The following RIN2 variants were observed in gnomAD, a reference collection of about 807,000 sequenced individuals.
RIN2 encodes RAB5 interacting protein 2.
In RIN2, 36 loss-of-function variants were observed where a neutral mutation model predicts 78.0. That is an observed-to-expected ratio of 0.46 (90% confidence interval 0.35 to 0.61). The LOEUF (loss-of-function observed/expected upper bound fraction) is 0.61, where lower values mean the gene tolerates loss of function less well. RIN2 is among the 20% of genes least tolerant of loss of function. The probability of loss-of-function intolerance (pLI) is 0.00; values close to 1 mark genes in which losing one functional copy is unlikely to be tolerated. For missense variants in RIN2, 1,087 were observed against 1,159.7 expected (o/e 0.94, Z 0.91); for synonymous variants, 466 against 466.8 (o/e 1.00, Z 0.02).
intron 7 of RIN2, 24 bp downstream of exon 7, chr20:19,965,048 G>A (rs2041893095): frequency 1.3e-6 from 2 of 1,583,796 alleles, no homozygotes; most frequent in Non-Finnish European, 1.7e-6. Flanking sequence ...CTCTCATATG[G>A]TTTCAAGGCC....
chr20:19,951,798 G>T (rs1243207333), intron 4 of RIN2, among the ~76,000 whole-genome samples: 1 of 152,158 alleles, frequency 6.6e-6, no homozygotes, highest in Non-Finnish European at 1.5e-5. Flanking sequence ...CATGCTTCCT[G>T]CCCTGAGCTT....
intron 2 of RIN2, among the ~76,000 whole-genome samples, chr20:19,820,865 C>T (rs1459053808): frequency 6.6e-6 from 1 of 152,162 alleles, no homozygotes; most frequent in Non-Finnish European, 1.5e-5. Flanking sequence ...AGCAAGCAGA[C>T]CTAATTTACA....
rs114494104 is a variant in RIN2 at position 19,869,181 on chromosome 20, C to T, written c.-36-20385C>T. ...GAAACACGCAGGGTGGATGAGTCTG[C>T]GCTGGAGAGAGGGATTAGAAATGCA... On this transcript the variant is annotated intron_variant, in intron 2 of 12. Transcript: ENST00000255006. 3.2e-3 allele frequency among the ~76,000 whole-genome samples: 480 copies of T among 151,512 alleles called. 5 individuals are homozygous for T. Among genetic ancestry groups the T allele is most frequent in the African/African-American group, 0.011 (458 of 41,238 alleles).
At chr20:19,927,301 G>T (rs529556661) in intron 3 of RIN2, among the ~76,000 whole-genome samples, 2 of 152,346 alleles carry the variant, frequency 1.3e-5, no homozygotes, top group South Asian at 4.1e-4. Context: ...AGGCTGGAGT[G>T]CAGTGGCACC....
chr20:19,931,106 A>T (rs1236817472), intron 3 of RIN2, among the ~76,000 whole-genome samples: 2 of 151,952 alleles, frequency 1.3e-5, no homozygotes, highest in African/African-American at 2.4e-5. Flanking sequence ...CATAAATAAA[A>T]TCTCACACGT....
At chr20:19,933,726 GACAAGACA>G (rs2040523515) in intron 3 of RIN2, among the ~76,000 whole-genome samples, 1 of 152,214 alleles carries the variant, frequency 6.6e-6, no homozygotes, top group Non-Finnish European at 1.5e-5. Context: ...AGCTACCTGA[GACAAGACA>G]ACATTTCTCT....
At chr20:19,886,593 C>T in intron 2 of RIN2, 2 of 786,374 alleles carry the variant, frequency 2.5e-6, no homozygotes, top group Non-Finnish European at 4.1e-6. Context: ...ATGAGGGCTG[C>T]CTTCTTCTTC....
intron 4 of RIN2, among the ~76,000 whole-genome samples, chr20:19,938,891 C>G (rs2040752956): frequency 6.6e-6 from 1 of 152,178 alleles, no homozygotes; most frequent in Non-Finnish European, 1.5e-5. Flanking sequence ...ACTGCCCACT[C>G]AGGAAGTGTT....
chr20:19,983,762 A>G lies in RIN2; in HGVS notation c.1763-6244A>G, dbSNP rs371667023. ...TAGTGATGAAGTCTGGGCTTCTGGT[A>G]TACCCATCACCTGAATAATGAACAT... On this transcript the variant is annotated intron_variant, in intron 9 of 12. Transcript: ENST00000255006. Among the ~76,000 whole-genome samples, 18 of 152,334 alleles carry G rather than the reference A, an allele frequency of 1.2e-4. No homozygotes were observed. The East Asian group carries it at 2.1e-3, about 18-fold the overall frequency.
At chr20:19,945,271 G>T (rs1345835083) in intron 4 of RIN2, among the ~76,000 whole-genome samples, 1 of 152,108 alleles carries the variant, frequency 6.6e-6, no homozygotes, top group East Asian at 1.9e-4. Flanking sequence ...AATCAGGGTT[G>T]ATTCCATTGA....
At chr20:19,889,496 G>T in intron 2 of RIN2, 70 bp from the exon 3 acceptor site, 2 of 1,405,242 alleles carry the variant, frequency 1.4e-6, no homozygotes, top group South Asian at 1.3e-5. Context: ...CTGTTGTTGT[G>T]AGTGTTCTGT....
At chr20:19,992,020 A>G (rs897002151) in intron 10 of RIN2, 148 bp from the exon 11 acceptor site, 2 of 864,726 alleles carry the variant, frequency 2.3e-6, no homozygotes, top group East Asian at 2.7e-5. Context: ...CAGAGGCTAC[A>G]TAGGATTCCA....
rs1443820579 is a variant in RIN2 at position 19,975,185 on chromosome 20, A to C, written c.1160A>C (p.Glu387Ala). 7 of 1,607,514 alleles carry C rather than the reference A, an allele frequency of 4.4e-6. No individual in the cohort carries two copies. The highest frequency in any genetic ancestry group is 1.3e-5 in the African/African-American group (1 of 74,874). ...GGCGGCCGGCCGGGCGCAGGCCCGG[A>C]GCTGGAGCTGGGCACAGCTGGCAGC... ...LSGGRPGAGP[E>A]LELGTAGSPG... The change falls in exon 9 of 13, where the codon GAG (glutamate) becomes GCG (alanine). Residue 387 changes from glutamate to alanine, a missense_variant. Physicochemically the swap from Glu to Ala is moderately radical, Grantham distance 107. Coordinates refer to ENST00000255006, the MANE Select transcript of RIN2 (RefSeq NM_018993.4). This position sits in a 1 kb window ranked among gnomAD's most constrained non-coding sequence, Gnocchi z 4.9.
chr20:19,984,731 C>T (rs2042572799), intron 9 of RIN2, among the ~76,000 whole-genome samples: 1 of 152,136 alleles, frequency 6.6e-6, no homozygotes, highest in South Asian at 2.1e-4. Flanking sequence ...TGTGCCACTG[C>T]ACTCCAGCCT....
At chr20:19,999,484 C>A (rs1345808366) in intron 12 of RIN2, among the ~76,000 whole-genome samples, 4 of 152,220 alleles carry the variant, frequency 2.6e-5, no homozygotes, top group African/African-American at 9.7e-5. Flanking sequence ...GGCACCTGGG[C>A]AGAGAGCCCT....
Position 19,779,628 on chromosome 20 carries a change from C to G in RIN2, c.-162-19994C>G, listed in dbSNP as rs142321043. 1.1e-4 allele frequency among the ~76,000 whole-genome samples: 16 copies of G among 152,278 alleles called. No homozygotes were observed. In the East Asian group the frequency reaches 3.1e-3, roughly 29 times the overall value. ...TCTGGCCGTGCTTGTCAAATTGTAG[C>G]CAAGCAGAGAGCCTCAGATAAGTGT... On this transcript the variant is annotated intron_variant, in intron 1 of 12. Transcript: ENST00000255006.
At chr20:19,875,934 A>G (rs1181499731) in intron 2 of RIN2, among the ~76,000 whole-genome samples, 2 of 152,224 alleles carry the variant, frequency 1.3e-5, no homozygotes, top group Non-Finnish European at 2.9e-5. Context: ...AAGATTCAGC[A>G]GAACTGCAGA....
chr20:19,840,935 A>G (rs1282772486), intron 2 of RIN2, among the ~76,000 whole-genome samples: 2 of 152,160 alleles, frequency 1.3e-5, no homozygotes, highest in East Asian at 1.9e-4. Flanking sequence ...GAACGTTTCC[A>G]TCATCTCCAG....
At chr20:19,984,462 A>C (rs1361738113) in intron 9 of RIN2, among the ~76,000 whole-genome samples, 1 of 152,140 alleles carries the variant, frequency 6.6e-6, no homozygotes, top group Middle Eastern at 3.2e-3. Context: ...GAACAGTAAA[A>C]ATACGGTAAC....
Sources: allele counts gnomAD v4.1 joint callset (sites outside exome capture counted in the v4.1 genomes callset), GRCh38; gene constraint gnomAD v4.1.1; non-coding constraint Gnocchi (gnomAD v3.1); transcripts MANE v1.5; gene names NCBI Gene and HGNC (gene_info 2026-07-23, HGNC 2026-07-21).